The following FGGY variants were observed in gnomAD, a reference collection of about 807,000 sequenced individuals.
FGGY encodes the protein FGGY carbohydrate kinase domain-containing protein.
In FGGY, 72 loss-of-function variants were observed where a neutral mutation model predicts 71.3. The observed-to-expected ratio is 1.01, with a 90% CI of 0.84 to 1.23. The LOEUF (loss-of-function observed/expected upper bound fraction) is 1.23, where lower values mean the gene tolerates loss of function less well. FGGY is among the 50% of genes most tolerant of loss of function. FGGY has a pLI of 0.00. For missense variants in FGGY, 668 were observed against 682.3 expected (o/e 0.98, Z 0.23); for synonymous variants, 251 against 250.3 (o/e 1.00, Z -0.02).
At chr1:59,651,067 G>A (rs2097154441) in intron 11 of FGGY, among the ~76,000 whole-genome samples, 1 of 151,468 alleles carries the variant, frequency 6.6e-6, no homozygotes, top group Admixed American at 6.6e-5. Flanking sequence ...AGCTTTGAGT[G>A]AGATTCTTAA....
intron 1 of FGGY, among the ~76,000 whole-genome samples, chr1:59,314,756 T>G (rs1393765786): frequency 3.3e-5 from 5 of 152,242 alleles, no homozygotes; most frequent in Admixed American, 3.3e-4. Flanking sequence ...GAGTACCTAC[T>G]GCATACCAAA....
intron 7 of FGGY, among the ~76,000 whole-genome samples, chr1:59,536,533 G>C (rs1296009547): frequency 6.6e-6 from 1 of 152,254 alleles, no homozygotes; most frequent in South Asian, 2.1e-4. Context: ...CCAAAAAAGA[G>C]AATTTTAGAC....
At chr1:59,505,961 A>C (rs180874876) in intron 6 of FGGY, among the ~76,000 whole-genome samples, 2 of 152,262 alleles carry the variant, frequency 1.3e-5, no homozygotes, top group East Asian at 3.9e-4. Context: ...ACTCAGACTG[A>C]ATCTGCCCAT....
intron 4 of FGGY, among the ~76,000 whole-genome samples, chr1:59,358,466 A>G (rs1269186636): frequency 6.6e-6 from 1 of 152,162 alleles, no homozygotes; most frequent in Non-Finnish European, 1.5e-5. Context: ...CAAGAGCGAG[A>G]GGCTGTGAAA....
chr1:59,551,961 A>C (rs1462038799), intron 7 of FGGY, among the ~76,000 whole-genome samples: 1 of 152,182 alleles, frequency 6.6e-6, no homozygotes, highest in African/African-American at 2.4e-5. Flanking sequence ...TAATTGTTTA[A>C]AAAACCAGTA....
chr1:59,421,829 C>G (rs966340429), intron 5 of FGGY, among the ~76,000 whole-genome samples: 1 of 152,138 alleles, frequency 6.6e-6, no homozygotes, highest in African/African-American at 2.4e-5. Context: ...ACTCCACAGT[C>G]AGCCACTGTG....
chr1:59,676,612 T>C (rs2097438201), intron 14 of FGGY, among the ~76,000 whole-genome samples: 1 of 152,116 alleles, frequency 6.6e-6, no homozygotes, highest in African/African-American at 2.4e-5. Flanking sequence ...AATTCCACAC[T>C]GACATCTTGA....
At chr1:59,321,374 T>A (rs747904824) in intron 1 of FGGY, among the ~76,000 whole-genome samples, 162 bp from the exon 2 acceptor site, 23 of 152,214 alleles carry the variant, frequency 1.5e-4, no homozygotes, top group Admixed American at 9.8e-4. Flanking sequence ...TCAATGTTTA[T>A]TAGTATACTG....
At chr1:59,510,748 A>G (rs1158599261) in intron 6 of FGGY, among the ~76,000 whole-genome samples, 3 of 152,198 alleles carry the variant, frequency 2.0e-5, no homozygotes, top group African/African-American at 7.2e-5. Context: ...GGTATTTTAC[A>G]TTCATTTTTC....
At chr1:59,744,500 C>T (rs1328639483) in intron 14 of FGGY, among the ~76,000 whole-genome samples, 1 of 152,106 alleles carries the variant, frequency 6.6e-6, no homozygotes, top group Non-Finnish European at 1.5e-5. Context: ...GGATTACAGG[C>T]GTGAGCCACT....
At position 59,582,970 on chromosome 1, in the gene FGGY, C is replaced by A. The variant is rs181810081; in HGVS notation, c.904-24833C>A. Among the ~76,000 whole-genome samples the A allele has an allele frequency of 1.7e-5, 2 of 115,808 alleles. 1 individual carries two copies. The highest frequency in any genetic ancestry group is 5.4e-4 in the East Asian group (2 of 3,692). 76.0% of individuals were successfully genotyped at this position (115,808 alleles called of 152,430 possible). On this transcript the variant is annotated intron_variant, in intron 8 of 15. Transcript: ENST00000303721. Reference sequence around the variant, plus strand: ...TGCTTGAGGATCCAAAGGAGTTTACCATTTTGTAATGCCACAGATGTGTAC... The same window carrying A: ...TGCTTGAGGATCCAAAGGAGTTTACAATTTTGTAATGCCACAGATGTGTAC...
chr1:59,679,512 A>G (rs1264391856), intron 14 of FGGY, among the ~76,000 whole-genome samples: 1 of 152,086 alleles, frequency 6.6e-6, no homozygotes, highest in African/African-American at 2.4e-5. Flanking sequence ...TGTCTGGAAT[A>G]CTAACATTTC....
At chr1:59,588,164 C>A (rs1055435222) in intron 8 of FGGY, among the ~76,000 whole-genome samples, 14 of 152,054 alleles carry the variant, frequency 9.2e-5, no homozygotes, top group African/African-American at 3.4e-4. Context: ...CCTCAGGAGC[C>A]GATGTGATCA....
chr1:59,437,488 C>A (rs532636002), intron 5 of FGGY, among the ~76,000 whole-genome samples: 1 of 152,278 alleles, frequency 6.6e-6, no homozygotes, highest in Admixed American at 6.5e-5. Flanking sequence ...TCCTGTGTAC[C>A]CATTACGTGT....
chr1:59,362,028 A>G (rs114980639), intron 4 of FGGY, among the ~76,000 whole-genome samples: 3,727 of 152,084 alleles, frequency 0.025, 174 homozygotes, highest in African/African-American at 0.086. Flanking sequence ...AACACGGCTG[A>G]TTTCTGCCCT....
At chr1:59,616,664 A>T (rs2096758391) in intron 9 of FGGY, among the ~76,000 whole-genome samples, 1 of 152,054 alleles carries the variant, frequency 6.6e-6, no homozygotes, top group Non-Finnish European at 1.5e-5. Flanking sequence ...AATGATGGTA[A>T]TATTAATTGT....
intron 1 of FGGY, among the ~76,000 whole-genome samples, chr1:59,303,053 T>C (rs2043004999): frequency 6.6e-6 from 1 of 152,230 alleles, no homozygotes; most frequent in Non-Finnish European, 1.5e-5. Context: ...TGCAACGCAA[T>C]TTGATATACA....
At chr1:59,464,266 C>G (rs1422909391) in intron 6 of FGGY, among the ~76,000 whole-genome samples, 1 of 152,300 alleles carries the variant, frequency 6.6e-6, no homozygotes, top group East Asian at 1.9e-4. Flanking sequence ...TGAATGACTA[C>G]TGGGTAAATA....
At chr1:59,603,905 G>A (rs2096599910) in intron 8 of FGGY, among the ~76,000 whole-genome samples, 1 of 152,188 alleles carries the variant, frequency 6.6e-6, no homozygotes, top group South Asian at 2.1e-4. Context: ...ATTTGGCAGA[G>A]ACAAATATAG....
Sources: allele counts gnomAD v4.1 joint callset (sites outside exome capture counted in the v4.1 genomes callset), GRCh38; gene constraint gnomAD v4.1.1; transcripts MANE v1.5; gene names NCBI Gene and HGNC (gene_info 2026-07-23, HGNC 2026-07-21).